Variants in KANK1 observed in about 807,000 individuals in gnomAD.
KANK1 encodes the protein KN motif and ankyrin repeat domains 1.
A neutral mutation model predicts 106.2 loss-of-function variants in KANK1; 109 were observed. That is an observed-to-expected ratio of 1.03 (90% CI 0.88 to 1.20). KANK1 has a LOEUF of 1.20. Among genes scored for constraint, KANK1 ranks in the 50% most tolerant of loss-of-function variants. The pLI is 0.00. For synonymous variants in KANK1, 873 were observed against 652.2 expected (o/e 1.34, Z -5.16); for missense variants, 2,399 against 1,710.7 (o/e 1.40, Z -7.10).
At chr9:684,462 G>T (rs143508138) in intron 2 of KANK1, 2 of 985,350 alleles carry the variant, frequency 2.0e-6, no homozygotes, top group East Asian at 2.3e-4. Context: ...TTAAGAACTC[G>T]AGCTGTTGCT....
At chr9:484,648 G>C (rs933960141) in intron 3 of KANK1, among the ~76,000 whole-genome samples, 1 of 152,168 alleles carries the variant, frequency 6.6e-6, no homozygotes, top group Non-Finnish European at 1.5e-5. Flanking sequence ...AAGATATAAA[G>C]TGACCAAAAA....
chr9:517,820 C>T (rs1480468580), intron 1 of KANK1, among the ~76,000 whole-genome samples: 2 of 150,390 alleles, frequency 1.3e-5, no homozygotes, highest in Non-Finnish European at 2.9e-5. Flanking sequence ...CTCACTGGAC[C>T]CTCCGCCTCC....
intron 1 of KANK1, among the ~76,000 whole-genome samples, chr9:610,790 T>C (rs951228282): frequency 2.6e-5 from 4 of 152,180 alleles, no homozygotes; most frequent in African/African-American, 9.7e-5. Flanking sequence ...CTGAGTATCT[T>C]TGAGACTTGA....
At chr9:723,595 C>G (rs181178158) in intron 3 of KANK1, among the ~76,000 whole-genome samples, 9 of 152,018 alleles carry the variant, frequency 5.9e-5, no homozygotes, top group African/African-American at 1.9e-4. Context: ...CCATTGCACT[C>G]TAGCCTGGGT....
Position 740,949 on chromosome 9 carries a change from T to C in KANK1, c.3696+15T>C. 2 of 1,613,796 alleles carry C rather than the reference T, an allele frequency of 1.2e-6. No homozygotes were observed. Among genetic ancestry groups the C allele is most frequent in the Non-Finnish European group, 1.7e-6 (2 of 1,179,866 alleles). On this transcript the variant is annotated intron_variant, in intron 9 of 11. Transcript: ENST00000382297. ...AAGCTAGTCAGGTTAGTGCGCCTGG[T>C]TCCTGTGCTCAGGAATGCACCCGTA...
intron 1 of KANK1, among the ~76,000 whole-genome samples, chr9:575,667 T>C (rs1290613964): frequency 1.3e-5 from 2 of 151,990 alleles, no homozygotes; most frequent in Non-Finnish European, 2.9e-5. Flanking sequence ...CAAGACCCTG[T>C]CTCAAAAAAA....
intron 1 of KANK1, among the ~76,000 whole-genome samples, chr9:676,104 C>T (rs780651974): frequency 2.0e-5 from 3 of 152,146 alleles, no homozygotes; most frequent in Admixed American, 6.5e-5. Context: ...GGGTTTTGGA[C>T]GGCTTCTTTA....
chr9:686,556 C>G (rs1818622477), intron 2 of KANK1, among the ~76,000 whole-genome samples: 1 of 152,086 alleles, frequency 6.6e-6, no homozygotes. Context: ...GCATGTCAAA[C>G]CATTTCAACA....
chr9:530,579 G>A (rs986268825), intron 1 of KANK1, among the ~76,000 whole-genome samples: 2 of 152,162 alleles, frequency 1.3e-5, no homozygotes, highest in African/African-American at 4.8e-5. Flanking sequence ...AGCTATTCAT[G>A]TTTTAGTTGT....
chr9:683,996 C>T (rs1231626098), intron 2 of KANK1, among the ~76,000 whole-genome samples: 5 of 152,130 alleles, frequency 3.3e-5, no homozygotes, highest in Non-Finnish European at 5.9e-5. Context: ...GTTGGGACCA[C>T]CTACAAATGG....
In KANK1 at chr9:711,166, A is replaced by C; in HGVS notation, c.400A>C (p.Ile134Leu). ...GGAGACCTCACTCCCTTTTCTTACC[A>C]TCCCAGAAAATCGACAGCTGCCACC... ...PLETSLPFLT[I>L]PENRQLPPPS... The change falls in exon 3 of 12, where the codon ATC becomes CTC. Residue 134 changes from isoleucine (I) to leucine (L), a missense_variant. Transcript: ENST00000382297. The C allele has an allele frequency of 6.2e-7, 1 of 1,614,058 alleles. No individual in the cohort carries two copies. The highest frequency in any genetic ancestry group is 8.5e-7 in the Non-Finnish European group (1 of 1,180,018).
intron 2 of KANK1, among the ~76,000 whole-genome samples, chr9:694,060 A>G (rs545691506): frequency 3.3e-5 from 5 of 152,264 alleles, no homozygotes; most frequent in African/African-American, 1.2e-4. Context: ...AGTTCAATTC[A>G]ATAATTTCCT....
intron 1 of KANK1, among the ~76,000 whole-genome samples, chr9:626,858 C>T (rs1354823636): frequency 6.6e-6 from 1 of 152,166 alleles, no homozygotes; most frequent in Non-Finnish European, 1.5e-5. Context: ...AAGTTAGACT[C>T]CAGAAGACAG....
intron 1 of KANK1, among the ~76,000 whole-genome samples, chr9:504,998 G>A (rs575047117): frequency 7.3e-5 from 11 of 151,552 alleles, no homozygotes; most frequent in African/African-American, 2.7e-4. Context: ...CCCCGCGGCC[G>A]TCGGAGTTTG....
chr9:584,402 A>G (rs1822936589), intron 1 of KANK1, among the ~76,000 whole-genome samples: 1 of 152,222 alleles, frequency 6.6e-6, no homozygotes, highest in African/African-American at 2.4e-5. Flanking sequence ...TTTGATTTTT[A>G]TGAACTTACA....
At chr9:553,386 G>A (rs1189968820) in intron 1 of KANK1, among the ~76,000 whole-genome samples, 1 of 152,170 alleles carries the variant, frequency 6.6e-6, no homozygotes, top group East Asian at 1.9e-4. Context: ...TCCCTATGAT[G>A]AGGGGTATAC....
chr9:668,175 A>G (rs1214228854), intron 1 of KANK1, among the ~76,000 whole-genome samples: 1 of 152,186 alleles, frequency 6.6e-6, no homozygotes, highest in East Asian at 1.9e-4. Flanking sequence ...CCATGTACTG[A>G]TGAAACGTGT....
intron 1 of KANK1, among the ~76,000 whole-genome samples, chr9:578,663 AAATC>A (rs536091783): frequency 5.4e-4 from 83 of 152,318 alleles, no homozygotes; most frequent in Middle Eastern, 3.4e-3. Flanking sequence ...TTTTAGGAAA[AAATC>A]AAGCATGACA....
chr9:744,298 G>A (rs1307135890), intron 10 of KANK1, among the ~76,000 whole-genome samples, 193 bp from the exon 11 acceptor site: 1 of 152,216 alleles, frequency 6.6e-6, no homozygotes, highest in Non-Finnish European at 1.5e-5. Flanking sequence ...GAGGGTGGAG[G>A]CTTGCCTCAT....
Sources: allele counts gnomAD v4.1 joint callset (sites outside exome capture counted in the v4.1 genomes callset), GRCh38; gene constraint gnomAD v4.1.1; transcripts MANE v1.5; gene names NCBI Gene and HGNC (gene_info 2026-07-23, HGNC 2026-07-21).